FASTKD1: variants seen among roughly 807,000 people sequenced by gnomAD.
FASTKD1 encodes FAST kinase domains 1, also known as FAST kinase domain-containing protein 1, mitochondrial.
A neutral mutation model predicts 90.9 loss-of-function variants in FASTKD1; 94 were observed. The ratio of observed to expected loss-of-function variants is 1.03; its 90% CI spans 0.88 to 1.23. The LOEUF (loss-of-function observed/expected upper bound fraction) is 1.23. FASTKD1 is among the 50% of genes most tolerant of loss of function. The pLI, the probability that FASTKD1 is intolerant of heterozygous loss-of-function variation, is 0.00. For missense variants in FASTKD1, 945 were observed against 993.5 expected, an observed-to-expected ratio of 0.95 and a Z score of 0.66; for synonymous variants, 319 against 345.8, an observed-to-expected ratio of 0.92 and a Z score of 0.86.
chr2:169,550,351 A>T (rs749711023), intron 7 of FASTKD1, among the ~76,000 whole-genome samples: 2 of 151,700 alleles, frequency 1.3e-5, no homozygotes, highest in Non-Finnish European at 3.0e-5. Context: ...AAACAAACAA[A>T]CAAAATTGTA....
intron 9 of FASTKD1, among the ~76,000 whole-genome samples, chr2:169,540,567 T>C (rs1265246967): frequency 6.6e-6 from 1 of 152,218 alleles, no homozygotes; most frequent in Non-Finnish European, 1.5e-5. Flanking sequence ...TAAAAAGAAG[T>C]GATCCCAGTG....
chr2:169,535,956 T>G (rs1684705664), intron 12 of FASTKD1, among the ~76,000 whole-genome samples: 1 of 150,398 alleles, frequency 6.6e-6, no homozygotes, highest in South Asian at 2.1e-4. Flanking sequence ...TTTTTCAGAC[T>G]AAACATCCTT....
Position 169,560,508 on chromosome 2 carries a change from C to A in FASTKD1, c.850G>T (p.Glu284Ter). The stretch of plus-strand genomic sequence containing the variant: ...TTCTTTTTAGCCATTATAATAAATT[C>A]AAAACTATTAAATTGTAGAAATTTG... ...VYKFLQFNSF[E>*]FIIMAKKKLT... is the part of the protein sequence containing the mutation. The change falls in exon 5 of 15, where the codon GAA (glutamate) becomes TAA (stop). Residue 284 changes from glutamate (E) to a stop codon, truncating the protein, a stop_gained. Coordinates refer to ENST00000453153, the MANE Select transcript of FASTKD1 (RefSeq NM_024622.6). LOFTEE classifies it high-confidence loss of function. The A allele has an allele frequency of 6.2e-7, 1 of 1,603,190 alleles. No individual in the cohort carries two copies. Among genetic ancestry groups the A allele is most frequent in the South Asian group, 1.1e-5 (1 of 88,870 alleles).
chr2:169,555,332 A>T, intron 6 of FASTKD1, 77 bp from the exon 7 acceptor site: 1 of 1,248,914 alleles, frequency 8.0e-7, no homozygotes, highest in Non-Finnish European at 1.1e-6. Context: ...CACACCAGAC[A>T]CTCCGTTCTG....
intron 7 of FASTKD1, among the ~76,000 whole-genome samples, chr2:169,548,821 G>A (rs745813283): frequency 2.6e-5 from 4 of 151,674 alleles, no homozygotes; most frequent in South Asian, 2.1e-4. Flanking sequence ...GAGGCTGGGC[G>A]CGGTAGCTCA....
chr2:169,537,102 AT>A (rs1359921603), intron 12 of FASTKD1, 124 bp downstream of exon 12: 1 of 656,912 alleles, frequency 1.5e-6, no homozygotes, highest in Non-Finnish European at 2.6e-6. Context: ...CCGTTTGAAA[AT>A]TTTAATAATA....
At position 169,571,874 on chromosome 2, in the gene FASTKD1, C is replaced by T. The variant is rs765067971; in HGVS notation, c.156G>A (p.Met52Ile). 25 of 1,613,958 alleles carry T rather than the reference C, an allele frequency of 1.5e-5. No individual in the cohort carries two copies. The Admixed American group carries it at 3.8e-4, about 25-fold the overall frequency. The change falls in exon 2 of 15, where the codon ATG becomes ATA. Residue 52 changes from methionine to isoleucine, a missense_variant. Coordinates refer to ENST00000453153, the MANE Select transcript of FASTKD1 (RefSeq NM_024622.6). ...QMNKCTDEEQ[M>I]FGFIERNKAI... ...CTTTGTTTCTTTCAATAAAACCAAA[C>T]ATTTGCTCCTCATCTGTACACTTAT...
intron 6 of FASTKD1, among the ~76,000 whole-genome samples, chr2:169,556,301 C>T (rs1439326374): frequency 1.3e-5 from 2 of 151,482 alleles, no homozygotes; most frequent in Non-Finnish European, 2.9e-5. Context: ...GTGGGCATGG[C>T]GACACGTGCC....
chr2:169,555,491 CAAG>C (rs1433862101), intron 6 of FASTKD1, among the ~76,000 whole-genome samples: 2 of 152,162 alleles, frequency 1.3e-5, no homozygotes, highest in Admixed American at 1.3e-4. Context: ...ATCAATAGTA[CAAG>C]AAGAGAAAAG....
At chr2:169,537,017 AG>A in intron 12 of FASTKD1, 1 of 328,390 alleles carries the variant, frequency 3.0e-6, no homozygotes, top group Non-Finnish European at 5.5e-6. Context: ...TTTTTTCTAA[AG>A]AATAGAAAAC....
Position 169,537,445 on chromosome 2 carries a change from C to T in FASTKD1, c.2075-105G>A, listed in dbSNP as rs530742117. On this transcript the variant is annotated intron_variant, in intron 11 of 14. Transcript: ENST00000453153. ...TGTTGCCCAGGCTGGAATGCAACGG[C>T]GCGATCTCAGCTCACTGCAACCTCT... is the stretch of plus-strand genomic sequence containing the variant. 3.1e-4 allele frequency: 213 copies of T among 679,382 alleles called. No homozygotes were observed. In the African/African-American group the frequency reaches 3.5e-3, roughly 11 times the overall value. The allele number at this position is 679,382 out of a possible 1,614,324, so 42.1% of individuals were successfully genotyped here.
chr2:169,569,395 T>A (rs1024303155), intron 2 of FASTKD1, 143 bp from the exon 3 acceptor site: 2 of 752,202 alleles, frequency 2.7e-6, no homozygotes, highest in Non-Finnish European at 2.2e-6. Flanking sequence ...CACTCTTATT[T>A]CAATATTCTG....
rs1684252890 is a variant in FASTKD1, at chr2:169,571,911, A to AT, written c.118dup (p.Ile40AsnfsTer6). ...ATCTGTACACTTATTCATCTGAATA[A>AT]TTAGTGGTTCACAACTGATGGGTCG... On this transcript the variant is annotated frameshift_variant, in exon 2 of 15. Coordinates refer to ENST00000453153, the MANE Select transcript of FASTKD1 (RefSeq NM_024622.6). LOFTEE classifies it high-confidence loss of function. 1 of 1,614,026 alleles carries AT rather than the reference A, an allele frequency of 6.2e-7. No homozygotes were observed. Among genetic ancestry groups the AT allele is most frequent in the African/African-American group, 1.3e-5 (1 of 74,938 alleles).
At position 169,571,909 on chromosome 2, in the gene FASTKD1, T is replaced by A. The variant is rs779608425; in HGVS notation, c.121A>T (p.Ile41Phe). ...FRPISCEPLI[I>F]QMNKCTDEEQ... ...TCATCTGTACACTTATTCATCTGAA[T>A]AATTAGTGGTTCACAACTGATGGGT... The change falls in exon 2 of 15, where the codon ATT becomes TTT. Residue 41 changes from isoleucine (I) to phenylalanine (F), a missense_variant. Transcript: ENST00000453153. The A allele has an allele frequency of 1.5e-5, 25 of 1,614,118 alleles. No homozygotes were observed. Among genetic ancestry groups the A allele is most frequent in the Non-Finnish European group, 2.1e-5 (25 of 1,180,004 alleles).
At chr2:169,569,050 T>A in intron 3 of FASTKD1, 134 bp downstream of exon 3, 1 of 734,516 alleles carries the variant, frequency 1.4e-6, no homozygotes, top group Non-Finnish European at 2.3e-6. Context: ...ACTTTAAAAC[T>A]AAACTGAGTT....
chr2:169,569,381 G>A (rs1336845295), intron 2 of FASTKD1, 129 bp from the exon 3 acceptor site: 1 of 810,692 alleles, frequency 1.2e-6, no homozygotes, highest in Non-Finnish European at 2.0e-6. Context: ...CCTTATTTCT[G>A]GTCCACTCTT....
intron 8 of FASTKD1, among the ~76,000 whole-genome samples, chr2:169,545,899 G>A: frequency 6.6e-6 from 1 of 152,174 alleles, no homozygotes; most frequent in South Asian, 2.1e-4. Context: ...ACTTTAAGGA[G>A]AGGAACAACA....
chr2:169,537,036 G>A (rs574997030), intron 12 of FASTKD1, 191 bp downstream of exon 12: 6 of 329,876 alleles, frequency 1.8e-5, no homozygotes, highest in East Asian at 1.2e-4. Flanking sequence ...AACGCTCTTG[G>A]TTATCAACAC....
chr2:169,537,767 T>C (rs1335769494), intron 11 of FASTKD1, among the ~76,000 whole-genome samples: 1 of 152,216 alleles, frequency 6.6e-6, no homozygotes, highest in Non-Finnish European at 1.5e-5. Context: ...AGCTTCAATG[T>C]AGTGTCTTAT....
Sources: allele counts gnomAD v4.1 joint callset (sites outside exome capture counted in the v4.1 genomes callset), GRCh38; gene constraint gnomAD v4.1.1; transcripts MANE v1.5; gene names NCBI Gene and HGNC (gene_info 2026-07-23, HGNC 2026-07-21).